The following BTBD9 variants were observed in gnomAD, a reference collection of about 807,000 sequenced individuals.
BTBD9 encodes the protein BTB/POZ domain-containing protein 9.
In BTBD9, 49 loss-of-function variants were observed where a neutral mutation model predicts 64.3. That is an observed-to-expected ratio of 0.76 (90% CI 0.61 to 0.97). The LOEUF (loss-of-function observed/expected upper bound fraction) is 0.97. BTBD9 is among the 50% of genes least tolerant of loss of function. The pLI, the probability that BTBD9 is intolerant of heterozygous loss-of-function variation, is 0.00. For synonymous variants in BTBD9, 260 were observed against 274.7 expected (o/e 0.95, Z 0.53); for missense variants, 598 against 762.1 (o/e 0.78, Z 2.53).
intron 7 of BTBD9, among the ~76,000 whole-genome samples, chr6:38,332,031 G>C (rs768718559): frequency 6.6e-6 from 1 of 152,100 alleles, no homozygotes; most frequent in Non-Finnish European, 1.5e-5. Context: ...AATTATTAGC[G>C]AGGCAAAACG....
At chr6:38,324,223 G>C (rs566128487) in intron 7 of BTBD9, among the ~76,000 whole-genome samples, 210 of 152,266 alleles carry the variant, frequency 1.4e-3, no homozygotes, top group Non-Finnish European at 2.2e-3. Context: ...TTTTAATATA[G>C]CTTTGTTTAT....
chr6:38,245,150 A>AAGAGTG, intron 9 of BTBD9, among the ~76,000 whole-genome samples: 1 of 152,374 alleles, frequency 6.6e-6, no homozygotes, highest in Non-Finnish European at 1.5e-5. Flanking sequence ...CTATGGATCA[A>AAGAGTG]AGAGTGAGTA....
At chr6:38,250,144 TAAGAA>T (rs1764343082) in intron 9 of BTBD9, among the ~76,000 whole-genome samples, 1 of 152,128 alleles carries the variant, frequency 6.6e-6, no homozygotes, top group Non-Finnish European at 1.5e-5. Flanking sequence ...GTCAATATCT[TAAGAA>T]AAGGGAAAGG....
intron 6 of BTBD9, among the ~76,000 whole-genome samples, chr6:38,354,006 T>C (rs9380737): frequency 0.29 from 44,046 of 151,994 alleles, 7,433 homozygotes; most frequent in East Asian, 0.45. Context: ...CTCCTTTTTT[T>C]TTCTTTTAGA....
chr6:38,178,878 G>C (rs1439438913), intron 10 of BTBD9, among the ~76,000 whole-genome samples: 1 of 151,368 alleles, frequency 6.6e-6, no homozygotes, highest in Non-Finnish European at 1.5e-5. Flanking sequence ...TTATGAGACA[G>C]AGTCTCGCTC....
At chr6:38,291,818 C>A (rs546773706) in intron 7 of BTBD9, among the ~76,000 whole-genome samples, 2 of 152,108 alleles carry the variant, frequency 1.3e-5, no homozygotes, top group Non-Finnish European at 2.9e-5. Flanking sequence ...TATGTTGAAC[C>A]AGCCTCGCAT....
At chr6:38,245,956 C>T (rs766240229) in intron 9 of BTBD9, among the ~76,000 whole-genome samples, 9 of 152,108 alleles carry the variant, frequency 5.9e-5, no homozygotes, top group Admixed American at 2.0e-4. Flanking sequence ...CACAGAATAA[C>T]GTGGCTCCTG....
chr6:38,179,568 G>A (rs750616638), intron 10 of BTBD9: 21 of 456,574 alleles, frequency 4.6e-5, no homozygotes, highest in Middle Eastern at 3.2e-4. Context: ...CAGCAGGTGC[G>A]CCCACAGCGC....
At chr6:38,245,432 T>C (rs765952246) in intron 9 of BTBD9, among the ~76,000 whole-genome samples, 4 of 151,922 alleles carry the variant, frequency 2.6e-5, no homozygotes, top group Non-Finnish European at 5.9e-5. Flanking sequence ...CAGCATGGCA[T>C]GCGCAAAGGC....
At chr6:38,281,125 G>A (rs553563839) in intron 8 of BTBD9, among the ~76,000 whole-genome samples, 1 of 152,236 alleles carries the variant, frequency 6.6e-6, no homozygotes, top group Non-Finnish European at 1.5e-5. Flanking sequence ...TATTGACTAA[G>A]CCTTCATTTG....
At chr6:38,277,614 G>A (rs977576690) in intron 8 of BTBD9, among the ~76,000 whole-genome samples, 10 of 152,134 alleles carry the variant, frequency 6.6e-5, no homozygotes, top group Non-Finnish European at 8.8e-5. Flanking sequence ...GATTACAGGC[G>A]TGAGCCACCA....
At chr6:38,262,857 T>C (rs1426672242) in intron 8 of BTBD9, among the ~76,000 whole-genome samples, 1 of 152,226 alleles carries the variant, frequency 6.6e-6, no homozygotes, top group East Asian at 1.9e-4. Flanking sequence ...CTGTGCCAGA[T>C]TGTGAACAAT....
intron 6 of BTBD9, among the ~76,000 whole-genome samples, chr6:38,563,942 T>C: frequency 6.6e-6 from 1 of 151,880 alleles, no homozygotes; most frequent in East Asian, 1.9e-4. Flanking sequence ...CCACCACGCC[T>C]GGCTAACTTT....
rs573282962 is a variant in BTBD9, at chr6:38,518,436, T to A, written c.1154+59164A>T. On this transcript the variant is annotated intron_variant, in intron 6 of 10. Transcript: ENST00000481247. ...GGTTCTCGCCAATTGTGTATGGAGA[T>A]CTCTAGGGAGATTCTGGGAAAGGTT... Among the ~76,000 whole-genome samples the A allele has an allele frequency of 1.4e-4, 22 of 152,264 alleles. No homozygotes were observed. The South Asian group carries it at 3.7e-3, about 26-fold the overall frequency.
chr6:38,249,524 C>G (rs1582112125), intron 9 of BTBD9, among the ~76,000 whole-genome samples: 1 of 152,130 alleles, frequency 6.6e-6, no homozygotes, highest in Non-Finnish European at 1.5e-5. Flanking sequence ...CCTCAGCCTC[C>G]CAAAGTGCTG....
intron 7 of BTBD9, among the ~76,000 whole-genome samples, chr6:38,337,092 T>A: frequency 6.6e-6 from 1 of 152,212 alleles, no homozygotes; most frequent in East Asian, 1.9e-4. Flanking sequence ...TAGGAAACTA[T>A]CTGCATTAAG....
intron 7 of BTBD9, among the ~76,000 whole-genome samples, chr6:38,320,321 T>C (rs1392049932): frequency 1.3e-5 from 2 of 152,230 alleles, no homozygotes; most frequent in African/African-American, 4.8e-5. Context: ...GGATGACCAG[T>C]GGAGGCTTCT....
chr6:38,335,123 T>C (rs1409528691), intron 7 of BTBD9, among the ~76,000 whole-genome samples: 1 of 152,190 alleles, frequency 6.6e-6, no homozygotes, highest in African/African-American at 2.4e-5. Flanking sequence ...TTGTTTCTCC[T>C]TTGCCTTCTG....
intron 1 of BTBD9, among the ~76,000 whole-genome samples, chr6:38,609,368 T>C (rs900267692): frequency 1.3e-5 from 2 of 151,836 alleles, no homozygotes; most frequent in African/African-American, 4.8e-5. Flanking sequence ...AGACCTTGTC[T>C]CAAAAAAAAA....
Sources: allele counts gnomAD v4.1 joint callset (sites outside exome capture counted in the v4.1 genomes callset), GRCh38; gene constraint gnomAD v4.1.1; transcripts MANE v1.5; gene names NCBI Gene and HGNC (gene_info 2026-07-23, HGNC 2026-07-21).